The following INSYN2A variants were observed in gnomAD, a reference collection of about 807,000 sequenced individuals.
The protein encoded by INSYN2A is inhibitory synaptic factor 2A.
A neutral mutation model predicts 39.4 loss-of-function variants in INSYN2A; 17 were observed. That is an observed-to-expected ratio of 0.43 (90% CI 0.30 to 0.65). INSYN2A has a LOEUF of 0.65. Among genes scored for constraint, INSYN2A ranks in the 30% least tolerant of loss-of-function variants. INSYN2A has a pLI of 0.14. For synonymous variants in INSYN2A, 255 were observed against 265.7 expected (o/e 0.96, Z 0.39); for missense variants, 595 against 631.2 (o/e 0.94, Z 0.61).
chr10:127,149,174 C>T (rs1592233676), intron 5 of INSYN2A, among the ~76,000 whole-genome samples: 1 of 152,182 alleles, frequency 6.6e-6, no homozygotes, highest in African/African-American at 2.4e-5. Context: ...TAAAAAGCAG[C>T]TCCTGGGATT....
chr10:127,164,102 C>T (rs754701367), intron 4 of INSYN2A, among the ~76,000 whole-genome samples: 23 of 147,332 alleles, frequency 1.6e-4, no homozygotes, highest in Non-Finnish European at 2.7e-4. Context: ...AGGGGTCAGC[C>T]GGGCTCCCTC....
chr10:127,192,969 T>G (rs1241074072), intron 1 of INSYN2A, among the ~76,000 whole-genome samples: 1 of 152,196 alleles, frequency 6.6e-6, no homozygotes, highest in East Asian at 1.9e-4. Flanking sequence ...TTAGCTCCAG[T>G]ATTGGAATAA....
Position 127,195,531 on chromosome 10 carries a change from C to CA in INSYN2A, c.-395+465_-395+466insT, listed in dbSNP as rs1339820956. ...CCCTCTGTTCCAACTCATCCCCCCC[C>CA]CGAAGTTAATCAGCCGTACTTGTAC... On this transcript the variant is annotated intron_variant, in intron 1 of 5. Coordinates refer to ENST00000522781, the MANE Select transcript of INSYN2A (RefSeq NM_001039762.3). Among the ~76,000 whole-genome samples, 2 of 151,992 alleles carry CA rather than the reference C, an allele frequency of 1.3e-5. 1 individual carries two copies. The highest frequency in any genetic ancestry group is 4.2e-4 in the South Asian group (2 of 4,776).
intron 5 of INSYN2A, among the ~76,000 whole-genome samples, chr10:127,149,019 C>G (rs1009602014): frequency 6.6e-6 from 1 of 152,068 alleles, no homozygotes; most frequent in Non-Finnish European, 1.5e-5. Flanking sequence ...AATCCTCTGC[C>G]GAAGAAGTGT....
chr10:127,150,296 C>A (rs76746736), intron 5 of INSYN2A, among the ~76,000 whole-genome samples: 163 of 152,118 alleles, frequency 1.1e-3, no homozygotes, highest in Non-Finnish European at 2.2e-3. Flanking sequence ...CAGAACTGAC[C>A]GCAAGCTGCG....
intron 5 of INSYN2A, chr10:127,146,053 C>T (rs776977517): frequency 3.5e-5 from 18 of 518,280 alleles, no homozygotes; most frequent in African/African-American, 2.9e-4. Flanking sequence ...CCCTAGACAT[C>T]GTGGCCAGGA....
chr10:127,138,953 G>A (rs2050961760), intron 5 of INSYN2A, among the ~76,000 whole-genome samples: 1 of 152,164 alleles, frequency 6.6e-6, no homozygotes, highest in African/African-American at 2.4e-5. Context: ...AGGACCCCCG[G>A]TCCATGCATC....
At chr10:127,187,412 AAAGG>A (rs2056372435) in intron 2 of INSYN2A, among the ~76,000 whole-genome samples, 1 of 152,214 alleles carries the variant, frequency 6.6e-6, no homozygotes. Context: ...AGATCTTGAA[AAAGG>A]AAAACATAAA....
intron 4 of INSYN2A, among the ~76,000 whole-genome samples, chr10:127,167,000 G>T (rs929124201): frequency 5.9e-5 from 9 of 152,030 alleles, no homozygotes; most frequent in Non-Finnish European, 1.3e-4. Flanking sequence ...TTTCATGTAT[G>T]TGTGATACCT....
intron 1 of INSYN2A, among the ~76,000 whole-genome samples, chr10:127,195,660 C>A (rs1057046705): frequency 2.0e-5 from 3 of 152,120 alleles, no homozygotes; most frequent in Non-Finnish European, 4.4e-5. Flanking sequence ...GGCTGTCGGG[C>A]GCTCACGAAG....
rs1005870702 is a variant in INSYN2A at position 127,176,826 on chromosome 10, G to C, written c.-6+51C>G. On this transcript the variant is annotated intron_variant, in intron 3 of 5. Coordinates refer to ENST00000522781, the MANE Select transcript of INSYN2A (RefSeq NM_001039762.3). The surrounding 1 kb of genome is among the most constrained non-coding windows in gnomAD (Gnocchi z 4.4). ...GTTTTGACTATTTTTTGAGGATGACGTCATTAATCTATTGCTGGAATCTGG... is the reference window on the plus strand; with the variant it reads ...GTTTTGACTATTTTTTGAGGATGACCTCATTAATCTATTGCTGGAATCTGG... 1 of 158,264 alleles carries C rather than the reference G, an allele frequency of 6.3e-6. No individual in the cohort carries two copies. The highest frequency in any genetic ancestry group is 1.4e-5 in the Non-Finnish European group (1 of 72,156). 9.8% of individuals were successfully genotyped at this position (158,264 alleles called of 1,614,324 possible). A position where few individuals can be genotyped will look rare whatever the true frequency, so the allele number is the denominator to read the frequency against.
In INSYN2A at chr10:127,140,726, C is replaced by T. The variant is rs535584505; in HGVS notation, c.1257-2706G>A. On this transcript the variant is annotated intron_variant, in intron 5 of 5. Transcript: ENST00000522781. ...GGAGGAGGCAGCATCAGAAGGTTAACGGTCTGGCCAACTCTGGCTGACATC... is the reference window on the plus strand; with the variant it reads ...GGAGGAGGCAGCATCAGAAGGTTAATGGTCTGGCCAACTCTGGCTGACATC... Among the ~76,000 whole-genome samples, 5 of 152,142 alleles carry T rather than the reference C, an allele frequency of 3.3e-5. No homozygotes were observed. In the South Asian group the frequency reaches 6.2e-4, roughly 19 times the overall value.
At chr10:127,155,363 T>C (rs1247624163) in intron 4 of INSYN2A, among the ~76,000 whole-genome samples, 1 of 152,334 alleles carries the variant, frequency 6.6e-6, no homozygotes, top group Non-Finnish European at 1.5e-5. Flanking sequence ...AGTTTGTTGA[T>C]CAAGTGACCA....
At chr10:127,193,237 G>A (rs2056875379) in intron 1 of INSYN2A, among the ~76,000 whole-genome samples, 1 of 152,170 alleles carries the variant, frequency 6.6e-6, no homozygotes, top group Non-Finnish European at 1.5e-5. Context: ...AAAGACTGTT[G>A]AAAATGACGA....
At chr10:127,156,556 CTTCTTCTTTTTTTTTTTT>C (rs1199520207) in intron 4 of INSYN2A, among the ~76,000 whole-genome samples, 1 of 94,808 alleles carries the variant, frequency 1.1e-5, no homozygotes, top group Non-Finnish European at 2.2e-5. Context: ...TCTTCTTCTT[CTTCTTCTTTTTTTTTTTT>C]TTTTTTTTTT....
chr10:127,140,910 G>A (rs866055687), intron 5 of INSYN2A, among the ~76,000 whole-genome samples: 10 of 152,174 alleles, frequency 6.6e-5, no homozygotes, highest in African/African-American at 1.7e-4. Context: ...TTGAGACAGC[G>A]GCTTGTTCAG....
At chr10:127,168,836 A>G (rs779735595) in intron 4 of INSYN2A, among the ~76,000 whole-genome samples, 2 of 152,000 alleles carry the variant, frequency 1.3e-5, no homozygotes, top group Non-Finnish European at 2.9e-5. Flanking sequence ...GCGGTGCACA[A>G]TTTTCCATGT....
intron 4 of INSYN2A, among the ~76,000 whole-genome samples, chr10:127,156,556 CTTCTTCTTTTTTTTTTT>C (rs1253710437): frequency 6.3e-5 from 6 of 94,808 alleles, no homozygotes; most frequent in African/African-American, 2.4e-4. Flanking sequence ...TCTTCTTCTT[CTTCTTCTTTTTTTTTTT>C]TTTTTTTTTT....
chr10:127,161,421 A>G (rs1225584618), intron 4 of INSYN2A, among the ~76,000 whole-genome samples: 1 of 152,198 alleles, frequency 6.6e-6, no homozygotes, highest in East Asian at 1.9e-4. Flanking sequence ...GTCAGCCAGC[A>G]TCCAACTTGC....
Sources: allele counts gnomAD v4.1 joint callset (sites outside exome capture counted in the v4.1 genomes callset), GRCh38; gene constraint gnomAD v4.1.1; non-coding constraint Gnocchi (gnomAD v3.1); transcripts MANE v1.5; gene names NCBI Gene and HGNC (gene_info 2026-07-23, HGNC 2026-07-21).